Variants in RPN1 observed in about 807,000 individuals in gnomAD.
RPN1 encodes dolichyl-diphosphooligosaccharide--protein glycosyltransferase subunit 1.
In RPN1, 12 loss-of-function variants were observed where a neutral mutation model predicts 55.5. The ratio of observed to expected loss-of-function variants is 0.22; its 90% CI spans 0.14 to 0.35. The LOEUF is 0.35. Among genes scored for constraint, RPN1 ranks in the 10% least tolerant of loss-of-function variants. The pLI, the probability that RPN1 is intolerant of heterozygous loss-of-function variation, is 1.00. For synonymous variants in RPN1, 317 were observed against 305.9 expected, an observed-to-expected ratio of 1.04 and a Z score of -0.38; for missense variants, 679 against 761.3, an observed-to-expected ratio of 0.89 and a Z score of 1.27.
chr3:128,650,632 G>T lies in RPN1; in HGVS notation c.169C>A (p.His57Asn), dbSNP rs1468432433. 1 of 1,554,908 alleles carries T rather than the reference G, an allele frequency of 6.4e-7. No homozygotes were observed. The highest frequency in any genetic ancestry group is 8.7e-7 in the Non-Finnish European group (1 of 1,149,212). ...CGGGACGTGGAGCCGCCGCCCAGGT[G>T]CGCCAGGACCACCTCGGCCGTCACC... ...AKVTAEVVLA[H>N]LGGGSTSRAT... The change falls in exon 1 of 10, where the codon CAC (histidine) becomes AAC (asparagine). Residue 57 changes from histidine (H) to asparagine (N), a missense_variant. Coordinates refer to ENST00000296255, the MANE Select transcript of RPN1 (RefSeq NM_002950.4).
At chr3:128,638,861 G>T (rs537189483) in intron 2 of RPN1, among the ~76,000 whole-genome samples, 1 of 152,058 alleles carries the variant, frequency 6.6e-6, no homozygotes, top group Non-Finnish European at 1.5e-5. Context: ...AGCTACTTGA[G>T]AGGTTGAAGT....
intron 3 of RPN1, among the ~76,000 whole-genome samples, chr3:128,636,888 G>A (rs1282286816): frequency 1.3e-5 from 2 of 152,120 alleles, no homozygotes; most frequent in Non-Finnish European, 2.9e-5. Flanking sequence ...ATATTTTTTA[G>A]AGATGGTATA....
rs1055989070 is a variant in RPN1, at chr3:128,620,213, T to TTA, written c.*197_*198insTA. 1.8e-4 allele frequency: 59 copies of TTA among 332,302 alleles called. No homozygotes were observed. The highest frequency in any genetic ancestry group is 3.3e-4 in the African/African-American group (15 of 45,114). 20.6% of individuals were successfully genotyped at this position (332,302 alleles called of 1,614,324 possible). On this transcript the variant is annotated 3_prime_UTR_variant, in exon 10 of 10. Coordinates refer to ENST00000296255, the MANE Select transcript of RPN1 (RefSeq NM_002950.4). ...GAGTTTTTTTAAAGTTTTCTTTTTT[T>TTA]AAAAAAAAAAAAAAAGAAAGTTAAG...
intron 4 of RPN1, among the ~76,000 whole-genome samples, chr3:128,631,485 A>G (rs2069641702): frequency 6.6e-6 from 1 of 151,686 alleles, no homozygotes; most frequent in African/African-American, 2.4e-5. Flanking sequence ...TCTCAAGAAA[A>G]AAAAAAAAAA....
Position 128,626,190 on chromosome 3 carries a change from C to A in RPN1, c.1137-178G>T, listed in dbSNP as rs890056865. ...CTCTCTTGAGACAGGGGAGCCAGTG[C>A]CAGAAAGCCCTTTGTTTTAAAGCCC... On this transcript the variant is annotated intron_variant, in intron 6 of 9. Transcript: ENST00000296255. 7.9e-5 allele frequency among the ~76,000 whole-genome samples: 12 copies of A among 152,286 alleles called. No individual in the cohort carries two copies. The East Asian group carries it at 2.3e-3, about 29-fold the overall frequency.
chr3:128,626,711 GGA>G lies in RPN1; in HGVS notation c.1136+20_1136+21del, dbSNP rs1560021034. On this transcript the variant is annotated intron_variant, in intron 6 of 9. Transcript: ENST00000296255. ...TACAACCAGAGAAATCGGGTGCAAA[GGA>G]GAGGAACAGTCACACTCACTTGGCT... 2 of 1,606,654 alleles carry G rather than the reference GGA, an allele frequency of 1.2e-6. No individual in the cohort carries two copies. Among genetic ancestry groups the G allele is most frequent in the Non-Finnish European group, 1.7e-6 (2 of 1,173,298 alleles).
In RPN1 at chr3:128,650,640, A is replaced by G; in HGVS notation, c.161T>C (p.Val54Ala). ...SHLAKVTAEV[V>A]LAHLGGGSTS... The stretch of plus-strand genomic sequence containing the variant: ...GGAGCCGCCGCCCAGGTGCGCCAGG[A>G]CCACCTCGGCCGTCACCTTAGCCAG... The change falls in exon 1 of 10, where the codon GTC becomes GCC. Residue 54 changes from valine (V) to alanine (A), a missense_variant. By Grantham distance (64) the Val-to-Ala change is moderately conservative. Coordinates refer to ENST00000296255, the MANE Select transcript of RPN1 (RefSeq NM_002950.4). 2 of 1,557,632 alleles carry G rather than the reference A, an allele frequency of 1.3e-6. No homozygotes were observed. The highest frequency in any genetic ancestry group is 1.7e-6 in the Non-Finnish European group (2 of 1,150,690).
At position 128,632,150 on chromosome 3, in the gene RPN1, A is replaced by G. The variant is rs1296488437; in HGVS notation, c.641T>C (p.Phe214Ser). The change falls in exon 4 of 10, where the codon TTT (phenylalanine) becomes TCT (serine). Residue 214 changes from phenylalanine to serine, a missense_variant. Physicochemically the swap from Phe to Ser is radical, Grantham distance 155 (BLOSUM62 -2). This residue lies in a region of RPN1 where 352 missense variants were observed against 352.8 expected (regional missense o/e 1.00). Transcript: ENST00000296255. The part of the protein sequence containing the change: ...RDVPAYSQDT[F>S]KVHYENNSPF... ...GCTGTTGTTCTCATAATGTACTTTA[A>G]AAGTATCCTGGAAGGAAGGAAACAA... The G allele has an allele frequency of 1.2e-6, 2 of 1,614,086 alleles. No individual in the cohort carries two copies. Among genetic ancestry groups the G allele is most frequent in the Non-Finnish European group, 1.7e-6 (2 of 1,180,042 alleles).
chr3:128,645,007 T>TTATC, intron 1 of RPN1, 24 bp from the exon 2 acceptor site: 2 of 1,379,398 alleles, frequency 1.4e-6, no homozygotes, highest in Non-Finnish European at 2.1e-6. Flanking sequence ...AGATAGTTTA[T>TTATC]TATTCATGTC....
intron 2 of RPN1, 197 bp downstream of exon 2, chr3:128,644,722 G>A (rs2069753841): frequency 1.5e-6 from 1 of 653,512 alleles, no homozygotes; most frequent in Non-Finnish European, 2.8e-6. Context: ...ACTTTGAGAG[G>A]CCAAGGTAGA....
intron 4 of RPN1, among the ~76,000 whole-genome samples, chr3:128,630,678 A>T (rs1036421929): frequency 9.2e-5 from 14 of 152,242 alleles, no homozygotes; most frequent in African/African-American, 3.4e-4. Context: ...AAAAAGATTT[A>T]AAAACTGTAT....
At chr3:128,621,984 G>A (rs1424146448) in intron 9 of RPN1, among the ~76,000 whole-genome samples, 180 bp downstream of exon 9, 1 of 152,216 alleles carries the variant, frequency 6.6e-6, no homozygotes. Flanking sequence ...CTCACACCAG[G>A]ACCCCAAAAA....
In RPN1 at chr3:128,630,025, GGGAA is replaced by G. The variant is rs2069630274; in HGVS notation, c.958_961del (p.Phe320LeufsTer31). The G allele has an allele frequency of 6.2e-7, 1 of 1,613,560 alleles. No individual in the cohort carries two copies. The highest frequency in any genetic ancestry group is 8.5e-7 in the Non-Finnish European group (1 of 1,179,606). On this transcript the variant is annotated frameshift_variant, in exon 5 of 10. Coordinates refer to ENST00000296255, the MANE Select transcript of RPN1 (RefSeq NM_002950.4). LOFTEE classifies it high-confidence loss of function. ...ATGGGTCTTCCACCCGCCAAAGAGAGGGAAGCGAGGCCGGATTTCCATCTCTACA... is the reference window on the plus strand; with the variant it reads ...ATGGGTCTTCCACCCGCCAAAGAGAGGCGAGGCCGGATTTCCATCTCTACA...
At chr3:128,648,849 A>T (rs2069790571) in intron 1 of RPN1, among the ~76,000 whole-genome samples, 1 of 152,240 alleles carries the variant, frequency 6.6e-6, no homozygotes, top group African/African-American at 2.4e-5. Context: ...ATACAGTGTG[A>T]GAACACACAA....
chr3:128,641,609 C>CTTTTTTTT (rs200507415), intron 2 of RPN1, among the ~76,000 whole-genome samples: 1 of 120,400 alleles, frequency 8.3e-6, no homozygotes, highest in Non-Finnish European at 1.7e-5. Context: ...TTTAGTGAAT[C>CTTTTTTTT]TTTTTTTTTT....
chr3:128,649,819 G>C (rs919375741), intron 1 of RPN1, among the ~76,000 whole-genome samples: 2 of 152,160 alleles, frequency 1.3e-5, no homozygotes, highest in Non-Finnish European at 2.9e-5. Context: ...TTCCTTTTCT[G>C]TACAGCATAA....
intron 3 of RPN1, among the ~76,000 whole-genome samples, chr3:128,634,827 C>T (rs1047871483): frequency 5.9e-5 from 9 of 151,960 alleles, no homozygotes; most frequent in Non-Finnish European, 1.2e-4. Flanking sequence ...TCCTAAAGTG[C>T]CAGGGTTACA....
chr3:128,632,009 A>T lies in RPN1; in HGVS notation c.782T>A (p.Phe261Tyr). ...KHTGAVLKGP[F>Y]SRYDYQRQPD... is the part of the protein sequence containing the mutation. ...CTGTCTCTGGTAATCATAGCGTGAGAAAGGCCCCTTAAGCACAGCTCCTGT... is the reference window on the plus strand; with the variant it reads ...CTGTCTCTGGTAATCATAGCGTGAGTAAGGCCCCTTAAGCACAGCTCCTGT... Residue 261 changes from phenylalanine (F) to tyrosine (Y), a missense_variant, in exon 4 of 10, where the codon TTC becomes TAC. Transcript: ENST00000296255. The T allele has an allele frequency of 6.2e-7, 1 of 1,614,226 alleles. No individual in the cohort carries two copies. Among genetic ancestry groups the T allele is most frequent in the South Asian group, 1.1e-5 (1 of 91,090 alleles).
At chr3:128,636,818 G>C (rs796604806) in intron 3 of RPN1, among the ~76,000 whole-genome samples, 13 of 152,276 alleles carry the variant, frequency 8.5e-5, no homozygotes, top group African/African-American at 3.1e-4. Context: ...CAAAGTGCTA[G>C]GATTATAGGC....
Sources: gnomAD v4.1 joint callset for allele counts (sites outside exome capture counted in the v4.1 genomes callset) on GRCh38, gnomAD v4.1.1 for gene constraint, gnomAD v4.1.1 regional missense constraint, MANE v1.5 for transcripts, NCBI Gene and HGNC (gene_info 2026-07-23, HGNC 2026-07-21) for gene names.